The following KDM4B variants were observed in gnomAD, a reference collection of about 807,000 sequenced individuals.
KDM4B encodes lysine-specific demethylase 4B.
Under a neutral mutation model 125.2 loss-of-function variants are expected in KDM4B, and 32 were observed. The observed-to-expected ratio is 0.26, with a 90% CI of 0.19 to 0.34. The LOEUF is 0.34. KDM4B is among the 10% of genes least tolerant of loss of function. The probability of loss-of-function intolerance (pLI) is 1.00; values close to 1 mark genes in which losing one functional copy is unlikely to be tolerated. For synonymous variants in KDM4B, 721 were observed against 677.9 expected, an observed-to-expected ratio of 1.06 and a Z score of -0.99; for missense variants, 1,190 against 1,577.7, an observed-to-expected ratio of 0.75 and a Z score of 4.16.
intron 2 of KDM4B, among the ~76,000 whole-genome samples, chr19:5,031,473 T>C (rs1352928668): frequency 6.6e-6 from 1 of 152,236 alleles, no homozygotes; most frequent in African/African-American, 2.4e-5. Flanking sequence ...CTGCGAGGAC[T>C]CTGCACAGAG....
chr19:5,017,556 T>C (rs263049), intron 2 of KDM4B, among the ~76,000 whole-genome samples: 51,333 of 151,872 alleles, frequency 0.34, 9,151 homozygotes, highest in East Asian at 0.69. Flanking sequence ...AGTCTCTTGG[T>C]GACTTGGTTT....
chr19:4,973,841 A>AC (rs1173754272), intron 1 of KDM4B, among the ~76,000 whole-genome samples: 35 of 150,898 alleles, frequency 2.3e-4, no homozygotes, highest in East Asian at 9.8e-4. Flanking sequence ...AAAAAAAAAA[A>AC]AAAACTGGCT....
intron 9 of KDM4B, among the ~76,000 whole-genome samples, chr19:5,107,085 C>T (rs1000270810): frequency 6.6e-6 from 1 of 152,258 alleles, no homozygotes; most frequent in Non-Finnish European, 1.5e-5. Flanking sequence ...CTCCACCTGT[C>T]CCCAGAGGCT....
chr19:5,110,515 G>A (rs746979699), intron 9 of KDM4B, 107 bp from the exon 10 acceptor site: 2 of 981,762 alleles, frequency 2.0e-6, no homozygotes, highest in South Asian at 1.3e-5. Flanking sequence ...GCGGTGGGAT[G>A]GGGTGTGGGA....
rs137871079 is a variant in KDM4B, at chr19:5,130,503, C to T, written c.1316-573C>T. On this transcript the variant is annotated intron_variant, in intron 11 of 22. Coordinates refer to ENST00000159111, the MANE Select transcript of KDM4B (RefSeq NM_015015.3). ...TGTCGGGCCCCACAGGCCCATCTGA[C>T]GCTTCCTGGTTCGCTCATGTGACCG... Among the ~76,000 whole-genome samples, 25 of 152,314 alleles carry T rather than the reference C, an allele frequency of 1.6e-4. No homozygotes were observed. In the East Asian group the frequency reaches 4.2e-3, roughly 26 times the overall value.
intron 15 of KDM4B, among the ~76,000 whole-genome samples, 162 bp downstream of exon 15, chr19:5,135,723 C>A (rs1258606260): frequency 6.6e-6 from 1 of 152,208 alleles, no homozygotes; most frequent in Admixed American, 6.5e-5. Context: ...TGACTTCCTG[C>A]AATTTCTGAC....
chr19:5,133,497 G>A (rs2039594420), intron 13 of KDM4B, among the ~76,000 whole-genome samples: 1 of 152,220 alleles, frequency 6.6e-6, no homozygotes, highest in South Asian at 2.1e-4. Flanking sequence ...TAGGGCAGCC[G>A]GGGCAGGGCT....
chr19:4,981,377 T>A (rs372281907), intron 1 of KDM4B, among the ~76,000 whole-genome samples: 16 of 152,220 alleles, frequency 1.1e-4, no homozygotes, highest in African/African-American at 3.4e-4. Context: ...GAGGGGCTTG[T>A]GAGAAGATGC....
chr19:5,149,542 G>C (rs1319180159), intron 21 of KDM4B, among the ~76,000 whole-genome samples: 1 of 152,252 alleles, frequency 6.6e-6, no homozygotes, highest in African/African-American at 2.4e-5. Flanking sequence ...CAGAACGGCA[G>C]TCAGGCCCAG....
chr19:5,026,104 C>T (rs1263111627), intron 2 of KDM4B, among the ~76,000 whole-genome samples: 3 of 151,270 alleles, frequency 2.0e-5, no homozygotes, highest in Admixed American at 1.3e-4. Context: ...TGTCTTGAGC[C>T]CCGAATAAAG....
At chr19:5,117,291 C>T (rs1003084939) in intron 10 of KDM4B, among the ~76,000 whole-genome samples, 3 of 101,496 alleles carry the variant, frequency 3.0e-5, no homozygotes, top group South Asian at 3.5e-4. Flanking sequence ...GGGCCATGGT[C>T]GGAAGCGACC....
chr19:5,059,061 G>A (rs917009890), intron 6 of KDM4B, among the ~76,000 whole-genome samples: 2 of 152,332 alleles, frequency 1.3e-5, no homozygotes, highest in Non-Finnish European at 2.9e-5. Flanking sequence ...AGCCGGCGAG[G>A]CTGGCCCTGA....
chr19:5,012,033 TG>T (rs1323492221), intron 1 of KDM4B, among the ~76,000 whole-genome samples: 1 of 152,192 alleles, frequency 6.6e-6, no homozygotes, highest in Non-Finnish European at 1.5e-5. Context: ...TCGTGCTGTT[TG>T]GGGGCGTTGT....
chr19:5,072,379 A>T (rs1475342411), intron 7 of KDM4B, among the ~76,000 whole-genome samples: 1 of 152,218 alleles, frequency 6.6e-6, no homozygotes, highest in South Asian at 2.1e-4. Flanking sequence ...CTCTCCTGGC[A>T]TGTGCTCTCC....
At position 5,135,324 on chromosome 19, in the gene KDM4B, G is replaced by A. The variant is rs758791451; in HGVS notation, c.2086-15G>A. 29 of 1,574,714 alleles carry A rather than the reference G, an allele frequency of 1.8e-5. 1 individual carries two copies. Among genetic ancestry groups the A allele is most frequent in the South Asian group, 3.3e-5 (3 of 90,302 alleles). ...CACATGGCTCTGTCCCCTGAAGGTC[G>A]CCTCTCCCCTACAGGCCCTACAGAC... On this transcript the variant is annotated splice_polypyrimidine_tract_variant and intron_variant, in intron 14 of 22. Transcript: ENST00000159111.
intron 6 of KDM4B, among the ~76,000 whole-genome samples, chr19:5,059,434 G>T (rs1435028041): frequency 6.6e-6 from 1 of 152,194 alleles, no homozygotes; most frequent in Non-Finnish European, 1.5e-5. Flanking sequence ...TGACCTGATT[G>T]CGAGCCAAGC....
At position 5,031,414 on chromosome 19, in the gene KDM4B, TG is replaced by T. The variant is rs2036452764; in HGVS notation, c.-25-1448del. Among the ~76,000 whole-genome samples, 5 of 152,226 alleles carry T rather than the reference TG, an allele frequency of 3.3e-5. No homozygotes were observed. The South Asian group carries it at 8.3e-4, about 25-fold the overall frequency. ...GGTCACGTGCCGTGCACGGTGCACT[TG>T]GGGCCTCCTGTGCAGACACTGGCTT... On this transcript the variant is annotated intron_variant, in intron 2 of 22. Transcript: ENST00000159111.
intron 11 of KDM4B, among the ~76,000 whole-genome samples, chr19:5,121,459 A>T (rs554621920): frequency 6.6e-6 from 1 of 152,182 alleles, no homozygotes. Context: ...AAGCAAGTCT[A>T]CAGGCAGCCG....
intron 6 of KDM4B, among the ~76,000 whole-genome samples, chr19:5,058,962 T>C (rs1339787986): frequency 6.6e-6 from 1 of 152,226 alleles, no homozygotes; most frequent in South Asian, 2.1e-4. Context: ...TGAATTCCCA[T>C]CTTCAGATAA....
Sources: gnomAD v4.1 joint callset for allele counts (sites outside exome capture counted in the v4.1 genomes callset) on GRCh38, gnomAD v4.1.1 for gene constraint, MANE v1.5 for transcripts, NCBI Gene and HGNC (gene_info 2026-07-23, HGNC 2026-07-21) for gene names.